Variants in GLS observed in about 807,000 individuals in gnomAD.
The protein encoded by GLS is glutaminase kidney isoform, mitochondrial.
GLS carries 36 observed loss-of-function variants against 86.7 expected under a neutral mutation model. That is an observed-to-expected ratio of 0.42 (90% CI 0.32 to 0.55). The LOEUF (loss-of-function observed/expected upper bound fraction) is 0.55, where lower values mean the gene tolerates loss of function less well. Among genes scored for constraint, GLS ranks in the 20% least tolerant of loss-of-function variants. The pLI, the probability that GLS is intolerant of heterozygous loss-of-function variation, is 0.17. For missense variants in GLS, 528 were observed against 833.4 expected, an observed-to-expected ratio of 0.63 and a Z score of 4.51; for synonymous variants, 317 against 305.9, an observed-to-expected ratio of 1.04 and a Z score of -0.38.
intron 14 of GLS, among the ~76,000 whole-genome samples, chr2:190,950,004 T>C (rs1157184494): frequency 6.6e-6 from 1 of 150,854 alleles, no homozygotes; most frequent in Non-Finnish European, 1.5e-5. Context: ...AATATATATA[T>C]ATATATGAAG....
chr2:190,929,150 C>T (rs1009050263), intron 12 of GLS, among the ~76,000 whole-genome samples: 34 of 151,094 alleles, frequency 2.3e-4, no homozygotes, highest in Non-Finnish European at 8.8e-5. Flanking sequence ...GAACACTGCT[C>T]TAATGACATT....
intron 1 of GLS, among the ~76,000 whole-genome samples, chr2:190,886,321 A>G (rs1288179580): frequency 6.6e-6 from 1 of 152,228 alleles, no homozygotes; most frequent in Non-Finnish European, 1.5e-5. Context: ...GTTAATTTAT[A>G]GTTTTATTAA....
At chr2:190,919,372 G>C (rs1243523871) in intron 7 of GLS, among the ~76,000 whole-genome samples, 1 of 152,094 alleles carries the variant, frequency 6.6e-6, no homozygotes, top group East Asian at 1.9e-4. Context: ...GTCTAGAGTT[G>C]AATGGTTTTT....
chr2:190,964,246 G>T lies in GLS; in HGVS notation c.*1260G>T, dbSNP rs1461935795. On this transcript the variant is annotated 3_prime_UTR_variant, in exon 18 of 18. Coordinates refer to ENST00000320717, the MANE Select transcript of GLS (RefSeq NM_014905.5). The surrounding 1 kb of genome is among the most constrained non-coding windows in gnomAD (Gnocchi z 5.2). ...GGGCTTCAAAAAACGGATAGAACAG[G>T]ATTTTCTAGGAGTTACACATACATT... 2 of 151,968 alleles carry T rather than the reference G, an allele frequency of 1.3e-5. No homozygotes were observed. The highest frequency in any genetic ancestry group is 2.9e-5 in the Non-Finnish European group (2 of 68,010). The allele number at this position is 151,968 out of a possible 1,614,324, so 9.4% of individuals were successfully genotyped here. A position where few individuals can be genotyped will look rare whatever the true frequency, so the allele number is the denominator to read the frequency against.
At chr2:190,932,935 A>G in intron 14 of GLS, 1 of 1,332,300 alleles carries the variant, frequency 7.5e-7, no homozygotes, top group Non-Finnish European at 9.6e-7. Flanking sequence ...TTTGCAAGTT[A>G]TAAATATTTA....
chr2:190,933,322 T>C, intron 14 of GLS: 1 of 915,836 alleles, frequency 1.1e-6, no homozygotes. Flanking sequence ...AATACAAAAC[T>C]AAAAAGGCAA....
chr2:190,928,044 A>C (rs945425790), intron 12 of GLS, among the ~76,000 whole-genome samples: 14 of 152,050 alleles, frequency 9.2e-5, no homozygotes, highest in South Asian at 2.1e-4. Context: ...AAAACGAGAG[A>C]GAGAGAGAGA....
intron 14 of GLS, chr2:190,934,950 C>G: frequency 1.0e-6 from 1 of 968,376 alleles, no homozygotes; most frequent in Non-Finnish European, 1.2e-6. Context: ...TTGATTCTTT[C>G]AGTATTCTTA....
rs1280416483 is a variant in GLS, at chr2:190,947,062, G to T, written c.1651-6503G>T. Among the ~76,000 whole-genome samples, 1 of 152,012 alleles carries T rather than the reference G, an allele frequency of 6.6e-6. No individual in the cohort carries two copies. Among genetic ancestry groups the T allele is most frequent in the Non-Finnish European group, 1.5e-5 (1 of 68,002 alleles). The stretch of plus-strand genomic sequence containing the variant: ...CTGTTTAAAATGTTGAATGTTTTAG[G>T]GTCATCCACTATATAAATACAGAGT... On this transcript the variant is annotated intron_variant, in intron 14 of 17. Transcript: ENST00000320717. The surrounding 1 kb of genome is among the most constrained non-coding windows in gnomAD (Gnocchi z 5.0).
intron 6 of GLS, among the ~76,000 whole-genome samples, chr2:190,908,803 A>T (rs1306285115): frequency 6.6e-6 from 1 of 152,252 alleles, no homozygotes; most frequent in East Asian, 1.9e-4. Context: ...GCAATTACAT[A>T]CATCTGAAAA....
intron 12 of GLS, among the ~76,000 whole-genome samples, chr2:190,928,218 T>C (rs1348635012): frequency 6.6e-6 from 1 of 151,976 alleles, no homozygotes; most frequent in Non-Finnish European, 1.5e-5. Context: ...TTTTTACATA[T>C]AAAAATTAAA....
In GLS at chr2:190,913,448, C is replaced by T; in HGVS notation, c.1038+3127C>T. 1 of 885,668 alleles carries T rather than the reference C, an allele frequency of 1.1e-6. No homozygotes were observed. Among genetic ancestry groups the T allele is most frequent in the Non-Finnish European group, 1.4e-6 (1 of 721,866 alleles). The allele number at this position is 885,668 out of a possible 1,614,324, so 54.9% of individuals were successfully genotyped here. A position where few individuals can be genotyped will look rare whatever the true frequency, so the allele number is the denominator to read the frequency against. ...AAATCATAAGGGTATTATACTTCCTCTCTTTTTCTCTGTGGTAGCTACTAA... is the reference window on the plus strand; with the variant it reads ...AAATCATAAGGGTATTATACTTCCTTTCTTTTTCTCTGTGGTAGCTACTAA... On this transcript the variant is annotated intron_variant, in intron 7 of 17. Coordinates refer to ENST00000320717, the MANE Select transcript of GLS (RefSeq NM_014905.5). This position sits in a 1 kb window ranked among gnomAD's most constrained non-coding sequence, Gnocchi z 6.1.
chr2:190,913,983 G>C lies in GLS; in HGVS notation c.1038+3662G>C, dbSNP rs1372163692. 6.6e-6 allele frequency among the ~76,000 whole-genome samples: 1 copy of C among 151,898 alleles called. No individual in the cohort carries two copies. Among genetic ancestry groups the C allele is most frequent in the African/African-American group, 2.4e-5 (1 of 41,340 alleles). On this transcript the variant is annotated intron_variant, in intron 7 of 17. Transcript: ENST00000320717. This position sits in a 1 kb window ranked among gnomAD's most constrained non-coding sequence, Gnocchi z 6.1. ...CAGGGCTAATTCTTTATAAAGCTAG[G>C]GTCTTGCCATATTGCCCAGGCTGGT...
At chr2:190,958,337 G>A (rs1426598348) in intron 17 of GLS, among the ~76,000 whole-genome samples, 1 of 151,930 alleles carries the variant, frequency 6.6e-6, no homozygotes, top group African/African-American at 2.4e-5. Flanking sequence ...TATTAGTCTT[G>A]CTAGTGGTCT....
intron 14 of GLS, among the ~76,000 whole-genome samples, chr2:190,942,867 G>A (rs1336853711): frequency 6.6e-6 from 1 of 152,188 alleles, no homozygotes; most frequent in Non-Finnish European, 1.5e-5. Flanking sequence ...CATTAGTAAG[G>A]TAAACTTCTG....
At chr2:190,922,665 G>A (rs1689779012) in intron 9 of GLS, among the ~76,000 whole-genome samples, 1 of 152,098 alleles carries the variant, frequency 6.6e-6, no homozygotes, top group African/African-American at 2.4e-5. Context: ...TGTGATAACT[G>A]CTGACTAGTT....
intron 14 of GLS, among the ~76,000 whole-genome samples, chr2:190,944,380 G>A (rs1205763023): frequency 2.6e-5 from 4 of 152,080 alleles, no homozygotes; most frequent in African/African-American, 9.7e-5. Context: ...ATTCACTAAT[G>A]TTCATGAACT....
intron 1 of GLS, among the ~76,000 whole-genome samples, chr2:190,890,155 T>A (rs944913444): frequency 5.3e-5 from 8 of 151,958 alleles, no homozygotes; most frequent in Non-Finnish European, 1.2e-4. Flanking sequence ...TAAAACAAAA[T>A]TTTTTTTAAA....
intron 1 of GLS, among the ~76,000 whole-genome samples, chr2:190,887,167 T>C (rs1451516727): frequency 6.6e-6 from 1 of 152,178 alleles, no homozygotes; most frequent in Non-Finnish European, 1.5e-5. Context: ...CAGATGTATT[T>C]ATAAAAATAG....
Sources: allele counts gnomAD v4.1 joint callset (sites outside exome capture counted in the v4.1 genomes callset), GRCh38; gene constraint gnomAD v4.1.1; non-coding constraint Gnocchi (gnomAD v3.1); transcripts MANE v1.5; gene names NCBI Gene and HGNC (gene_info 2026-07-23, HGNC 2026-07-21).